Variants in TENM3 observed in about 807,000 individuals in gnomAD.
TENM3 encodes the protein teneurin-3.
Under a neutral mutation model 255.1 loss-of-function variants are expected in TENM3, and 63 were observed. That is an observed-to-expected ratio of 0.25 (90% CI 0.20 to 0.30). TENM3 has a LOEUF of 0.30. Ranked by LOEUF, TENM3 falls within the 10% of genes least tolerant of loss-of-function variation. The pLI is 1.00. For synonymous variants in TENM3, 1,306 were observed against 1,322.3 expected, an observed-to-expected ratio of 0.99 and a Z score of 0.27; for missense variants, 2,929 against 3,461.1, an observed-to-expected ratio of 0.85 and a Z score of 3.86.
intron 19 of TENM3, among the ~76,000 whole-genome samples, chr4:182,748,805 G>A: frequency 6.6e-6 from 1 of 152,158 alleles, no homozygotes; most frequent in East Asian, 1.9e-4. Flanking sequence ...GGGCCACGTA[G>A]ACTCCCCCAC....
the TENM3 span, among the ~76,000 whole-genome samples, chr4:181,520,551 C>CA: frequency 6.6e-6 from 1 of 151,640 alleles, no homozygotes; most frequent in Admixed American, 6.6e-5. Flanking sequence ...ATAAAACAAA[C>CA]AAAAAAACCT....
At chr4:181,760,244 A>G in the TENM3 span, among the ~76,000 whole-genome samples, 1 of 152,098 alleles carries the variant, frequency 6.6e-6, no homozygotes, top group Non-Finnish European at 1.5e-5. Flanking sequence ...TATCATCATT[A>G]ATTTCTGAAT....
chr4:181,509,032 T>C, the TENM3 span, among the ~76,000 whole-genome samples: 1 of 149,862 alleles, frequency 6.7e-6, no homozygotes. Context: ...AGGAATTCCC[T>C]AACATGAAAG....
chr4:182,257,957 CT>C (rs1188911940), intron 1 of TENM3, among the ~76,000 whole-genome samples: 1 of 152,008 alleles, frequency 6.6e-6, no homozygotes, highest in Non-Finnish European at 1.5e-5. Flanking sequence ...GTTGTTTTTA[CT>C]CTGTTAGCAA....
At chr4:182,397,488 A>C (rs903000058) in intron 3 of TENM3, among the ~76,000 whole-genome samples, 12 of 150,192 alleles carry the variant, frequency 8.0e-5, no homozygotes, top group African/African-American at 2.7e-4. Context: ...GTCTAGGAGG[A>C]GACAGCATAA....
chr4:181,656,483 A>G, the TENM3 span, among the ~76,000 whole-genome samples: 8 of 152,188 alleles, frequency 5.3e-5, no homozygotes, highest in African/African-American at 1.9e-4. Flanking sequence ...GGAAAATAGA[A>G]TAGGCAATGG....
chr4:182,484,797 A>G (rs74317931), intron 3 of TENM3, among the ~76,000 whole-genome samples: 11 of 152,286 alleles, frequency 7.2e-5, no homozygotes, highest in East Asian at 1.9e-4. Flanking sequence ...AGTTGATACT[A>G]TGTCTGAATT....
the TENM3 span, among the ~76,000 whole-genome samples, chr4:182,016,839 G>A: frequency 1.3e-4 from 20 of 151,990 alleles, no homozygotes; most frequent in African/African-American, 2.4e-5. Context: ...AGAATTGATT[G>A]GTTTTATGTA....
At chr4:181,754,284 T>TCGCA in the TENM3 span, among the ~76,000 whole-genome samples, 2 of 144,516 alleles carry the variant, frequency 1.4e-5, no homozygotes, top group African/African-American at 5.1e-5. Flanking sequence ...TATATCCCAG[T>TCGCA]CACACACACA....
the TENM3 span, among the ~76,000 whole-genome samples, chr4:181,843,154 C>A: frequency 1.3e-5 from 2 of 152,138 alleles, no homozygotes; most frequent in Non-Finnish European, 2.9e-5. Context: ...CTTCATATCA[C>A]CTTCAAACTC....
chr4:182,100,832 T>TAC, the TENM3 span, among the ~76,000 whole-genome samples: 6 of 6,534 alleles, frequency 9.2e-4, 1 homozygote, highest in African/African-American at 1.9e-3. Flanking sequence ...CATATATATA[T>TAC]ATATATACTC....
intron 1 of TENM3, among the ~76,000 whole-genome samples, chr4:182,246,355 C>G (rs1392293009): frequency 6.7e-6 from 1 of 149,742 alleles, no homozygotes; most frequent in African/African-American, 2.5e-5. Context: ...GCCCCCACCC[C>G]CGCCCCTCAG....
chr4:182,599,034 A>G (rs74825593), intron 3 of TENM3, among the ~76,000 whole-genome samples: 5 of 152,078 alleles, frequency 3.3e-5, no homozygotes, highest in Non-Finnish European at 7.4e-5. Context: ...CCTTGGAAAC[A>G]TTTCTCCCTG....
chr4:181,656,955 A>G, the TENM3 span, among the ~76,000 whole-genome samples: 2 of 152,336 alleles, frequency 1.3e-5, no homozygotes, highest in East Asian at 3.9e-4. Flanking sequence ...CTTGGCCTCT[A>G]TTTTCCAGTC....
intron 27 of TENM3, among the ~76,000 whole-genome samples, chr4:182,797,219 C>T (rs1766559376): frequency 6.6e-6 from 1 of 152,138 alleles, no homozygotes; most frequent in African/African-American, 2.4e-5. Context: ...GAGGTCGGAT[C>T]ACCTGAGGTC....
At chr4:181,805,998 G>A in the TENM3 span, among the ~76,000 whole-genome samples, 1 of 152,062 alleles carries the variant, frequency 6.6e-6, no homozygotes, top group Non-Finnish European at 1.5e-5. Context: ...ATATTTTCAG[G>A]TAACAGTGAA....
chr4:182,486,520 G>A (rs559211987), intron 3 of TENM3, among the ~76,000 whole-genome samples: 102 of 152,254 alleles, frequency 6.7e-4, no homozygotes, highest in African/African-American at 2.4e-3. Context: ...ACCTAAAATA[G>A]TCAATGCTGT....
chr4:182,704,509 A>G (rs1758121891), intron 12 of TENM3, among the ~76,000 whole-genome samples: 2 of 152,270 alleles, frequency 1.3e-5, no homozygotes, highest in South Asian at 2.1e-4. Context: ...GATTTATCTC[A>G]AAGCAGCTCT....
At chr4:182,485,205 A>G (rs920446209) in intron 3 of TENM3, among the ~76,000 whole-genome samples, 3 of 152,172 alleles carry the variant, frequency 2.0e-5, no homozygotes, top group African/African-American at 4.8e-5. Flanking sequence ...TAGGAGTGAC[A>G]TAAGTGTATA....
Sources: allele counts gnomAD v4.1 joint callset (sites outside exome capture counted in the v4.1 genomes callset), GRCh38; gene constraint gnomAD v4.1.1; transcripts MANE v1.5; gene names NCBI Gene and HGNC (gene_info 2026-07-23, HGNC 2026-07-21).